AP3S2: variants seen among roughly 807,000 people sequenced by gnomAD.
The protein encoded by AP3S2 is adaptor related protein complex 3 subunit sigma 2, also known as AP-3 complex subunit sigma-2.
A neutral mutation model predicts 23.4 loss-of-function variants in AP3S2; 22 were observed. That is an observed-to-expected ratio of 0.94 (90% confidence interval 0.67 to 1.34). The LOEUF is 1.34. AP3S2 is among the 40% of genes most tolerant of loss of function. The pLI is 0.00. For missense variants in AP3S2, 241 were observed against 236.9 expected, an observed-to-expected ratio of 1.02 and a Z score of -0.11; for synonymous variants, 86 against 87.1, an observed-to-expected ratio of 0.99 and a Z score of 0.07.
Position 89,859,062 on chromosome 15 carries a change from T to C in AP3S2, c.345+12413A>G, listed in dbSNP as rs368311318. 3.9e-5 allele frequency among the ~76,000 whole-genome samples: 6 copies of C among 152,130 alleles called. No homozygotes were observed. The East Asian group carries it at 1.2e-3, about 29-fold the overall frequency. Reference sequence around the variant, plus strand: ...CTTAAAGAGATGGGGTCTCACTTATTGCTCAGGCTGTTCTCAAACTCCTGG... The same window carrying C: ...CTTAAAGAGATGGGGTCTCACTTATCGCTCAGGCTGTTCTCAAACTCCTGG... On this transcript the variant is annotated intron_variant, in intron 4 of 5. Coordinates refer to ENST00000336418, the MANE Select transcript of AP3S2 (RefSeq NM_005829.5).
chr15:89,889,324 G>T, intron 1 of AP3S2, 184 bp from the exon 2 acceptor site: 1 of 633,678 alleles, frequency 1.6e-6, no homozygotes, highest in Non-Finnish European at 2.7e-6. Context: ...GGGTGACAAT[G>T]CTCTGATACA....
At position 89,853,524 on chromosome 15, in the gene AP3S2, C is replaced by T. The variant is rs369853738; in HGVS notation, c.346-15802G>A. Among the ~76,000 whole-genome samples the T allele has an allele frequency of 1.9e-3, 295 of 152,122 alleles. 1 individual carries two copies. The highest frequency in any genetic ancestry group is 6.0e-3 in the African/African-American group (250 of 41,396). ...AGTGAGTCTAAAGAATCAATGAGGG[C>T]TGCCACCCCGTCTGGGAAGTGAGGA... On this transcript the variant is annotated intron_variant, in intron 4 of 5. Coordinates refer to ENST00000336418, the MANE Select transcript of AP3S2 (RefSeq NM_005829.5).
intron 4 of AP3S2, among the ~76,000 whole-genome samples, chr15:89,854,076 T>G (rs1251419431): frequency 1.1e-4 from 3 of 27,306 alleles, no homozygotes; most frequent in African/African-American, 2.8e-4. Context: ...AGGTGGGGGG[T>G]CAGCCCCCCC....
chr15:89,857,616 C>T (rs12591852), intron 4 of AP3S2, among the ~76,000 whole-genome samples: 152,203 of 152,394 alleles, frequency 1, 76,009 homozygotes, highest in Middle Eastern at 1. Context: ...GAAAAGCTGC[C>T]ATGTGGGATA....
intron 3 of AP3S2, among the ~76,000 whole-genome samples, chr15:89,885,400 A>C (rs573714975): frequency 9.2e-5 from 14 of 152,048 alleles, no homozygotes; most frequent in Non-Finnish European, 1.9e-4. Context: ...ACGAAGTTTC[A>C]CCATGTTGGT....
chr15:89,883,711 A>G (rs538691876), intron 3 of AP3S2, among the ~76,000 whole-genome samples: 1 of 152,300 alleles, frequency 6.6e-6, no homozygotes, highest in African/African-American at 2.4e-5. Flanking sequence ...ATAAATGCCT[A>G]CAGATTTCAC....
intron 3 of AP3S2, among the ~76,000 whole-genome samples, chr15:89,879,581 T>G (rs772883992): frequency 1.5e-4 from 23 of 152,190 alleles, no homozygotes; most frequent in Admixed American, 3.9e-4. Context: ...GTTTTAGAAC[T>G]ATATATAGAG....
chr15:89,858,523 G>GAGAGAGAGAGAGAGAA (rs1555446558), intron 4 of AP3S2, among the ~76,000 whole-genome samples: 17 of 53,596 alleles, frequency 3.2e-4, no homozygotes, highest in South Asian at 5.8e-4. Context: ...GAGAGAGAGA[G>GAGAGAGAGAGAGAGAA]AGAAAGAAAG....
At chr15:89,873,309 G>C (rs1297827583) in intron 3 of AP3S2, among the ~76,000 whole-genome samples, 2 of 142,746 alleles carry the variant, frequency 1.4e-5, no homozygotes, top group Admixed American at 1.4e-4. Context: ...TTTTGAGACA[G>C]ACTCTCGCTC....
chr15:89,875,223 G>T (rs1457714199), intron 3 of AP3S2, among the ~76,000 whole-genome samples: 1 of 152,210 alleles, frequency 6.6e-6, no homozygotes, highest in East Asian at 1.9e-4. Context: ...CCAGACCACA[G>T]TTTGCAGCAG....
rs79912248 is a variant in AP3S2 at position 89,870,362 on chromosome 15, G to A, written c.345+1113C>T. On this transcript the variant is annotated intron_variant, in intron 4 of 5. Transcript: ENST00000336418. ...AGCATCAGTAAATACTGGAAGCCCCGTGAGGTTGTCAGGGAGTCCAAAGTT... is the reference window on the plus strand; with the variant it reads ...AGCATCAGTAAATACTGGAAGCCCCATGAGGTTGTCAGGGAGTCCAAAGTT... Among the ~76,000 whole-genome samples, 520 of 152,268 alleles carry A rather than the reference G, an allele frequency of 3.4e-3. 2 individuals are homozygous for A. Among genetic ancestry groups the A allele is most frequent in the African/African-American group, 0.011 (468 of 41,540 alleles).
intron 4 of AP3S2, among the ~76,000 whole-genome samples, chr15:89,855,048 G>C (rs1245695389): frequency 4.3e-5 from 6 of 138,980 alleles, no homozygotes; most frequent in South Asian, 2.4e-4. Flanking sequence ...CATTGAGAAC[G>C]GGCCAGGATG....
At chr15:89,877,386 G>T (rs1390012735) in intron 3 of AP3S2, 1 of 1,291,562 alleles carries the variant, frequency 7.7e-7, no homozygotes, top group East Asian at 5.5e-5. Context: ...CAGTTTGTAG[G>T]GTGTTGCACT....
chr15:89,846,322 C>T (rs977264521), intron 4 of AP3S2, among the ~76,000 whole-genome samples: 1 of 152,124 alleles, frequency 6.6e-6, no homozygotes, highest in Middle Eastern at 3.4e-3. Context: ...CGAGTCTCTC[C>T]ACTCTCCCCC....
chr15:89,865,146 G>A (rs1282046124), intron 4 of AP3S2, among the ~76,000 whole-genome samples: 4 of 152,186 alleles, frequency 2.6e-5, no homozygotes, highest in African/African-American at 9.6e-5. Flanking sequence ...TCCACTGTGC[G>A]TCCACTGGGG....
At chr15:89,855,478 A>G (rs1468528787) in intron 4 of AP3S2, among the ~76,000 whole-genome samples, 3 of 125,978 alleles carry the variant, frequency 2.4e-5, no homozygotes, top group African/African-American at 9.1e-5. Flanking sequence ...TTGTCCCATG[A>G]CCCTGCCAAA....
intron 4 of AP3S2, chr15:89,848,784 C>T (rs1009357769): frequency 3.3e-5 from 5 of 152,232 alleles, no homozygotes; most frequent in East Asian, 1.9e-4. Context: ...CAAAGGGTAA[C>T]GACGCTCTGA....
intron 4 of AP3S2, among the ~76,000 whole-genome samples, chr15:89,863,292 A>G (rs1173461531): frequency 6.6e-6 from 1 of 152,202 alleles, no homozygotes; most frequent in African/African-American, 2.4e-5. Flanking sequence ...ATCACCCACG[A>G]ATTCAAGTTC....
At chr15:89,883,869 GA>G (rs1249712292) in intron 3 of AP3S2, 4 of 152,148 alleles carry the variant, frequency 2.6e-5, no homozygotes, top group African/African-American at 9.7e-5. Context: ...CCAAAAACCT[GA>G]AATCCAAAAC....
Sources: allele counts gnomAD v4.1 joint callset (sites outside exome capture counted in the v4.1 genomes callset), GRCh38; gene constraint gnomAD v4.1.1; transcripts MANE v1.5; gene names NCBI Gene and HGNC (gene_info 2026-07-23, HGNC 2026-07-21).